AUTS2: variants seen among roughly 807,000 people sequenced by gnomAD.
AUTS2 encodes autism susceptibility gene 2 protein.
AUTS2 carries 17 observed loss-of-function variants against 112.4 expected under a neutral mutation model. The ratio of observed to expected loss-of-function variants is 0.15; its 90% CI spans 0.10 to 0.23. AUTS2 has a LOEUF of 0.23. Among genes scored for constraint, AUTS2 ranks in the 10% least tolerant of loss-of-function variants. The pLI, the probability that AUTS2 is intolerant of heterozygous loss-of-function variation, is 1.00. For missense variants in AUTS2, 1,510 were observed against 1,701.6 expected, an observed-to-expected ratio of 0.89 and a Z score of 1.98; for synonymous variants, 751 against 702.7, an observed-to-expected ratio of 1.07 and a Z score of -1.09.
chr7:70,107,936 A>C (rs1804860358), intron 2 of AUTS2, among the ~76,000 whole-genome samples: 2 of 151,430 alleles, frequency 1.3e-5, no homozygotes, highest in Admixed American at 1.3e-4. Flanking sequence ...GCGTGAACCC[A>C]GTAGGCGGAG....
chr7:69,702,859 C>T (rs1052014996), intron 1 of AUTS2, among the ~76,000 whole-genome samples: 2 of 152,166 alleles, frequency 1.3e-5, no homozygotes, highest in Non-Finnish European at 2.9e-5. Context: ...GGGTTCTCGG[C>T]TTATGTGATT....
At chr7:70,024,011 G>A (rs1224867463) in intron 2 of AUTS2, among the ~76,000 whole-genome samples, 1 of 152,182 alleles carries the variant, frequency 6.6e-6, no homozygotes, top group African/African-American at 2.4e-5. Flanking sequence ...GGTCCACAAG[G>A]AAAGCCACTT....
chr7:69,630,439 G>C (rs1465061750), intron 1 of AUTS2, among the ~76,000 whole-genome samples: 1 of 152,146 alleles, frequency 6.6e-6, no homozygotes, highest in Non-Finnish European at 1.5e-5. Context: ...AGGCAGCCGT[G>C]CTAACCATCT....
chr7:70,612,039 T>C (rs1459804799), intron 5 of AUTS2, among the ~76,000 whole-genome samples: 1 of 152,224 alleles, frequency 6.6e-6, no homozygotes, highest in Admixed American at 6.5e-5. Context: ...TATACACAAA[T>C]GTGTGCATTG....
chr7:70,750,164 T>C (rs561534037), intron 6 of AUTS2, among the ~76,000 whole-genome samples: 3 of 152,292 alleles, frequency 2.0e-5, no homozygotes, highest in Non-Finnish European at 2.9e-5. Flanking sequence ...CTAGGGTAAC[T>C]TGGAGCCTTT....
chr7:70,063,748 GA>G lies in AUTS2; in HGVS notation c.523-54380del, dbSNP rs1802364117. On this transcript the variant is annotated intron_variant, in intron 2 of 18. Coordinates refer to ENST00000342771, the MANE Select transcript of AUTS2 (RefSeq NM_015570.4). Reference sequence around the variant, plus strand: ...TTTGTAAACTTGAAAAGAACACCGCGAAAAGAGCTCAGGATCCTGCTCAGCC... The same window carrying G: ...TTTGTAAACTTGAAAAGAACACCGCGAAAGAGCTCAGGATCCTGCTCAGCC... 4.6e-5 allele frequency among the ~76,000 whole-genome samples: 7 copies of G among 152,152 alleles called. No individual in the cohort carries two copies. In the South Asian group the frequency reaches 1.4e-3, roughly 32 times the overall value.
rs765214493 is a variant in AUTS2, at chr7:70,790,789, C to G, written c.3573C>G (p.Ser1191Arg). ...HPSLITPGLP[S>R]MHYPRISPTA... Reference sequence around the variant, plus strand: ...GCCTCATCACCCCGGGACTCCCCAGCATGCACTATCCCCGCATCAGCCCCA... The same window carrying G: ...GCCTCATCACCCCGGGACTCCCCAGGATGCACTATCCCCGCATCAGCCCCA... Residue 1191 changes from serine to arginine, a missense_variant, in exon 19 of 19, where the codon AGC (serine) becomes AGG (arginine). Coordinates refer to ENST00000342771, the MANE Select transcript of AUTS2 (RefSeq NM_015570.4). This position sits in a 1 kb window ranked among gnomAD's most constrained non-coding sequence, Gnocchi z 7.6. The G allele has an allele frequency of 6.2e-7, 1 of 1,611,510 alleles. No homozygotes were observed. The highest frequency in any genetic ancestry group is 8.5e-7 in the Non-Finnish European group (1 of 1,178,772).
intron 5 of AUTS2, among the ~76,000 whole-genome samples, chr7:70,574,198 T>G (rs1339585378): frequency 6.6e-6 from 1 of 152,160 alleles, no homozygotes; most frequent in Non-Finnish European, 1.5e-5. Context: ...TTACCCCTGC[T>G]TTCTTGGGAG....
At chr7:70,675,684 G>A (rs370362418) in intron 5 of AUTS2, among the ~76,000 whole-genome samples, 2 of 152,276 alleles carry the variant, frequency 1.3e-5, no homozygotes, top group South Asian at 4.1e-4. Context: ...GAATCCCCTG[G>A]AAAAGTCTTC....
At chr7:69,736,777 G>A (rs1562847704) in intron 1 of AUTS2, among the ~76,000 whole-genome samples, 1 of 152,192 alleles carries the variant, frequency 6.6e-6, no homozygotes, top group Non-Finnish European at 1.5e-5. Flanking sequence ...TGGGAAATGA[G>A]TAAAGACTTT....
At chr7:70,363,065 T>G (rs1215642149) in intron 4 of AUTS2, among the ~76,000 whole-genome samples, 2 of 152,234 alleles carry the variant, frequency 1.3e-5, no homozygotes, top group Admixed American at 1.3e-4. Context: ...ATATTTTTGT[T>G]AATACACAGA....
chr7:70,446,905 C>T (rs898615108), intron 5 of AUTS2, among the ~76,000 whole-genome samples: 5 of 152,172 alleles, frequency 3.3e-5, no homozygotes, highest in Non-Finnish European at 5.9e-5. Context: ...TGTCTCTATA[C>T]GTCCCGGACT....
chr7:69,996,738 C>G (rs964212656), intron 2 of AUTS2, among the ~76,000 whole-genome samples: 1 of 151,886 alleles, frequency 6.6e-6, no homozygotes, highest in Non-Finnish European at 1.5e-5. Context: ...TAGTATATAT[C>G]TTTAATAAAT....
chr7:70,016,921 G>T (rs1800056535), intron 2 of AUTS2, among the ~76,000 whole-genome samples: 1 of 152,154 alleles, frequency 6.6e-6, no homozygotes, highest in Non-Finnish European at 1.5e-5. Flanking sequence ...ACCTGCCTTG[G>T]CCTTCCAAGG....
chr7:70,560,349 T>C (rs1340001889), intron 5 of AUTS2, among the ~76,000 whole-genome samples: 1 of 152,242 alleles, frequency 6.6e-6, no homozygotes, highest in African/African-American at 2.4e-5. Flanking sequence ...GTCTGCTCCA[T>C]TGAAGTGTTG....
At chr7:70,370,356 A>G (rs925919610) in intron 4 of AUTS2, among the ~76,000 whole-genome samples, 1 of 152,134 alleles carries the variant, frequency 6.6e-6, no homozygotes, top group African/African-American at 2.4e-5. Flanking sequence ...TCTCAGCCCT[A>G]GGTAACCAAC....
intron 1 of AUTS2, among the ~76,000 whole-genome samples, chr7:69,787,292 A>G (rs925056239): frequency 2.0e-5 from 3 of 152,240 alleles, no homozygotes; most frequent in Non-Finnish European, 4.4e-5. Context: ...GAAAAGAAAG[A>G]TGACTCTAGA....
intron 2 of AUTS2, among the ~76,000 whole-genome samples, chr7:70,000,734 C>A (rs1212864283): frequency 6.6e-6 from 1 of 152,106 alleles, no homozygotes; most frequent in African/African-American, 2.4e-5. Context: ...TAAAGAGAGT[C>A]CCATCTGCCC....
At chr7:69,856,156 G>A (rs779352483) in intron 1 of AUTS2, among the ~76,000 whole-genome samples, 6 of 152,026 alleles carry the variant, frequency 3.9e-5, no homozygotes, top group African/African-American at 1.2e-4. Flanking sequence ...TTCCTCAGGT[G>A]AGCCCCAACT....
Sources: allele counts gnomAD v4.1 joint callset (sites outside exome capture counted in the v4.1 genomes callset), GRCh38; gene constraint gnomAD v4.1.1; non-coding constraint Gnocchi (gnomAD v3.1); transcripts MANE v1.5; gene names NCBI Gene and HGNC (gene_info 2026-07-23, HGNC 2026-07-21).